The following PPP2R2C variants were observed in gnomAD, a reference collection of about 807,000 sequenced individuals.
PPP2R2C encodes protein phosphatase 2 regulatory subunit Bgamma.
Under a neutral mutation model 45.3 loss-of-function variants are expected in PPP2R2C, and 10 were observed. The ratio of observed to expected loss-of-function variants is 0.22; its 90% confidence interval spans 0.14 to 0.37. The LOEUF (loss-of-function observed/expected upper bound fraction) is 0.37. PPP2R2C is among the 10% of genes least tolerant of loss of function. The pLI is 1.00. For missense variants in PPP2R2C, 308 were observed against 619.7 expected (o/e 0.50, Z 5.34); for synonymous variants, 257 against 245.4 (o/e 1.05, Z -0.44).
rs1293135462 is a variant in PPP2R2C, at chr4:6,368,123, C to T, written c.625+4400G>A. ...AGGGGCCCCCGATCTGCTGACACTC[C>T]TCCCTTGTCACTGTCCCTCACCTGG... On this transcript the variant is annotated intron_variant, in intron 5 of 8. Coordinates refer to ENST00000382599, the MANE Select transcript of PPP2R2C (RefSeq NM_020416.4). The surrounding 1 kb of genome is among the most constrained non-coding windows in gnomAD (Gnocchi z 4.2). Among the ~76,000 whole-genome samples the T allele has an allele frequency of 1.3e-5, 2 of 152,174 alleles. No individual in the cohort carries two copies. Among genetic ancestry groups the T allele is most frequent in the East Asian group, 1.9e-4 (1 of 5,176 alleles).
chr4:6,374,199 T>A (rs1420049236), intron 4 of PPP2R2C, among the ~76,000 whole-genome samples: 1 of 152,176 alleles, frequency 6.6e-6, no homozygotes, highest in African/African-American at 2.4e-5. Context: ...AGAGCATCAC[T>A]GGCCCAGCAA....
chr4:6,355,993 GAAAAAA>G (rs61011461), intron 5 of PPP2R2C, among the ~76,000 whole-genome samples: 5,528 of 97,952 alleles, frequency 0.056, 387 homozygotes, highest in African/African-American at 0.18. Flanking sequence ...ACTCTGCCTG[GAAAAAA>G]AAAAAAAAAA....
intron 2 of PPP2R2C, among the ~76,000 whole-genome samples, chr4:6,523,954 A>G (rs577742621): frequency 6.6e-6 from 1 of 152,158 alleles, no homozygotes; most frequent in East Asian, 1.9e-4. Flanking sequence ...GCTCTTGTTG[A>G]CCAGGCTGGA....
chr4:6,340,277 C>A lies in PPP2R2C; in HGVS notation c.791-6546G>T, dbSNP rs371022723. On this transcript the variant is annotated intron_variant, in intron 6 of 8. Coordinates refer to ENST00000382599, the MANE Select transcript of PPP2R2C (RefSeq NM_020416.4). ...GTTCCAGCCACACGGGTCCTGACGT[C>A]AGCCAGGTTCCTCTCAGACACTACT... 9.6e-4 allele frequency among the ~76,000 whole-genome samples: 146 copies of A among 152,280 alleles called. 1 individual carries two copies. Among genetic ancestry groups the A allele is most frequent in the African/African-American group, 3.4e-3 (141 of 41,556 alleles).
At chr4:6,456,311 C>G (rs952896779) in intron 1 of PPP2R2C, among the ~76,000 whole-genome samples, 3 of 137,810 alleles carry the variant, frequency 2.2e-5, no homozygotes, top group African/African-American at 2.6e-5. Flanking sequence ...GTTATTTCCC[C>G]CCCCCCCCTT....
intron 1 of PPP2R2C, among the ~76,000 whole-genome samples, chr4:6,392,478 A>T (rs1716713295): frequency 6.6e-6 from 1 of 152,166 alleles, no homozygotes; most frequent in South Asian, 2.1e-4. Flanking sequence ...AGGCCAGGGA[A>T]GACTTCCTGG....
At chr4:6,474,407 G>A (rs911166060), upstream of PPP2R2C, among the ~76,000 whole-genome samples, 1 of 152,178 alleles carries the variant, frequency 6.6e-6, no homozygotes, top group South Asian at 2.1e-4. Flanking sequence ...CTGCTCAGCA[G>A]GGGTCAGGCC....
In PPP2R2C at chr4:6,330,835, T is replaced by C. The variant is rs78048732; in HGVS notation, c.961-1482A>G. ...TGCACACAGGATGGTTAGACAAGGCTACCTGACTCCCGCCTGGGGCCCTGC... is the reference window on the plus strand; with the variant it reads ...TGCACACAGGATGGTTAGACAAGGCCACCTGACTCCCGCCTGGGGCCCTGC... On this transcript the variant is annotated intron_variant, in intron 7 of 8. Coordinates refer to ENST00000382599, the MANE Select transcript of PPP2R2C (RefSeq NM_020416.4). The surrounding 1 kb of genome is among the most constrained non-coding windows in gnomAD (Gnocchi z 7.0). 0.025 allele frequency among the ~76,000 whole-genome samples: 3,869 copies of C among 152,230 alleles called. 77 individuals carry two copies. Among genetic ancestry groups the C allele is most frequent in the Non-Finnish European group, 0.041 (2,756 of 68,004 alleles).
intron 2 of PPP2R2C, among the ~76,000 whole-genome samples, chr4:6,517,560 A>T (rs1723863038): frequency 6.6e-6 from 1 of 152,188 alleles, no homozygotes; most frequent in Non-Finnish European, 1.5e-5. Flanking sequence ...CCCATTTTGC[A>T]AATGAAGAAA....
chr4:6,372,566 C>T lies in PPP2R2C; in HGVS notation c.582G>A (p.Leu194=). The T allele has an allele frequency of 1.9e-6, 3 of 1,614,196 alleles. No individual in the cohort carries two copies. The highest frequency in any genetic ancestry group is 2.5e-6 in the Non-Finnish European group (3 of 1,180,038). ...TGGCCAGGTGCCAGAGGTTGATGCGCAGGTCATCCGCCGACATGTAGGTCT... is the reference window on the plus strand; with the variant it reads ...TGGCCAGGTGCCAGAGGTTGATGCGTAGGTCATCCGCCGACATGTAGGTCT... ...DCETYMSADD[L]RINLWHLAIT... The change falls in exon 5 of 9, where the codon CTG becomes CTA. Residue 194 remains leucine (L), a synonymous_variant. Transcript: ENST00000382599.
intron 2 of PPP2R2C, among the ~76,000 whole-genome samples, chr4:6,507,303 C>A (rs1390879898): frequency 6.6e-6 from 1 of 152,220 alleles, no homozygotes; most frequent in Non-Finnish European, 1.5e-5. Flanking sequence ...CTCGGAAGAC[C>A]TTCCTGCCTC....
chr4:6,457,827 C>T lies in PPP2R2C; in HGVS notation c.70+14333G>A, dbSNP rs113450101. Among the ~76,000 whole-genome samples the T allele has an allele frequency of 8.0e-3, 1,217 of 152,280 alleles. 8 individuals are homozygous for T. The highest frequency in any genetic ancestry group is 0.027 in the Middle Eastern group (8 of 294). On this transcript the variant is annotated intron_variant, in intron 1 of 8. Coordinates refer to ENST00000382599, the MANE Select transcript of PPP2R2C (RefSeq NM_020416.4). ...CTCGCTACTGTTATTGTATACCTTA[C>T]GATACCAAAAAAGCACCCTTTCTAT...
At chr4:6,413,716 C>T (rs1273325964) in intron 1 of PPP2R2C, among the ~76,000 whole-genome samples, 1 of 152,208 alleles carries the variant, frequency 6.6e-6, no homozygotes, top group African/African-American at 2.4e-5. Context: ...GGGATGACCC[C>T]TATTTTCATT....
At chr4:6,369,615 C>A (rs540340609) in intron 5 of PPP2R2C, among the ~76,000 whole-genome samples, 1 of 152,336 alleles carries the variant, frequency 6.6e-6, no homozygotes, top group African/African-American at 2.4e-5. Context: ...CCCCTGCCTG[C>A]ACCATCCACA....
upstream of PPP2R2C, among the ~76,000 whole-genome samples, chr4:6,473,784 G>C (rs1029733371): frequency 1.3e-5 from 2 of 152,242 alleles, no homozygotes; most frequent in Non-Finnish European, 2.9e-5. Context: ...ACGAGGGAAG[G>C]TGATGCCGTC....
rs548230829 is a variant in PPP2R2C at position 6,448,105 on chromosome 4, G to C, written c.70+24055C>G. Among the ~76,000 whole-genome samples, 137 of 152,280 alleles carry C rather than the reference G, an allele frequency of 9.0e-4. 1 individual carries two copies. Among genetic ancestry groups the C allele is most frequent in the African/African-American group, 3.1e-3 (129 of 41,550 alleles). On this transcript the variant is annotated intron_variant, in intron 1 of 8. Transcript: ENST00000382599. Reference sequence around the variant, plus strand: ...AAAACCCCGCACAGAGGAGCTTCCAGAGACCACCTGAGGGCGAGAAGAAAG... The same window carrying C: ...AAAACCCCGCACAGAGGAGCTTCCACAGACCACCTGAGGGCGAGAAGAAAG...
At chr4:6,365,439 G>T (rs998316427) in intron 5 of PPP2R2C, among the ~76,000 whole-genome samples, 1 of 152,074 alleles carries the variant, frequency 6.6e-6, no homozygotes, top group Non-Finnish European at 1.5e-5. Context: ...TGTCTACACG[G>T]CACCAGGCCC....
At chr4:6,502,915 A>T (rs1015664775) in intron 2 of PPP2R2C, among the ~76,000 whole-genome samples, 1 of 151,640 alleles carries the variant, frequency 6.6e-6, no homozygotes, top group African/African-American at 2.4e-5. Context: ...AGTATCCCAG[A>T]CCCGGCCGCT....
At chr4:6,380,936 G>A (rs1286442111) in intron 2 of PPP2R2C, 61 bp downstream of exon 2, 18 of 935,034 alleles carry the variant, frequency 1.9e-5, no homozygotes, top group Admixed American at 6.9e-5. Context: ...CACCATGCCC[G>A]CCTCCCACCT....
Sources: gnomAD v4.1 joint callset for allele counts (sites outside exome capture counted in the v4.1 genomes callset) on GRCh38, gnomAD v4.1.1 for gene constraint, Gnocchi (gnomAD v3.1) non-coding constraint, MANE v1.5 for transcripts, NCBI Gene and HGNC (gene_info 2026-07-23, HGNC 2026-07-21) for gene names.